The following NOTCH2 variants were observed in gnomAD, a reference collection of about 807,000 sequenced individuals.
The protein encoded by NOTCH2 is neurogenic locus notch homolog protein 2.
NOTCH2 carries 29 observed loss-of-function variants against 235.8 expected under a neutral mutation model. The ratio of observed to expected loss-of-function variants is 0.12; its 90% CI spans 0.09 to 0.17. NOTCH2 has a LOEUF of 0.17. Ranked by LOEUF, NOTCH2 falls within the 10% of genes least tolerant of loss-of-function variation. The pLI is 1.00. For missense variants in NOTCH2, 2,285 were observed against 3,150.2 expected (o/e 0.73, Z 6.57); for synonymous variants, 1,086 against 1,141.5 (o/e 0.95, Z 0.98).
At chr1:119,956,949 T>A (rs1437071780) in intron 12 of NOTCH2, among the ~76,000 whole-genome samples, 1 of 152,226 alleles carries the variant, frequency 6.6e-6, no homozygotes, top group African/African-American at 2.4e-5. Context: ...TTTTTTGGGC[T>A]AGGTAACTAA....
intron 12 of NOTCH2, among the ~76,000 whole-genome samples, chr1:119,957,876 AC>A (rs1557821647): frequency 4.0e-5 from 6 of 149,854 alleles, no homozygotes; most frequent in African/African-American, 1.5e-4. Context: ...ACACACACAC[AC>A]ACACACAACA....
intron 29 of NOTCH2, among the ~76,000 whole-genome samples, chr1:119,921,109 C>A (rs1465152557): frequency 6.6e-6 from 1 of 152,214 alleles, no homozygotes; most frequent in African/African-American, 2.4e-5. Context: ...GGATTTGAAT[C>A]CAGTTCTGAT....
At position 119,925,839 on chromosome 1, in the gene NOTCH2, G is replaced by A. The variant is rs751388978; in HGVS notation, c.4006-29C>T. ...TGGAAATCAGTGAGGAAATAAAAAT[G>A]GCATTGGTAGGAAAACAGTCATATT... is the stretch of plus-strand genomic sequence containing the variant. On this transcript the variant is annotated intron_variant, in intron 24 of 33. Transcript: ENST00000256646. 3.7e-6 allele frequency: 6 copies of A among 1,613,032 alleles called. No individual in the cohort carries two copies. The South Asian group carries it at 5.5e-5, about 15-fold the overall frequency.
At chr1:119,980,856 GCTGTACC>G (rs1651786264) in intron 5 of NOTCH2, among the ~76,000 whole-genome samples, 1 of 152,112 alleles carries the variant, frequency 6.6e-6, no homozygotes, top group Non-Finnish European at 1.5e-5. Context: ...AGCTTCTAAG[GCTGTACC>G]CTTTAACTTG....
At chr1:120,013,872 A>G (rs1384469177) in intron 2 of NOTCH2, among the ~76,000 whole-genome samples, 1 of 151,784 alleles carries the variant, frequency 6.6e-6, no homozygotes. Flanking sequence ...GAATTTGGTT[A>G]GAGAGTGAAA....
chr1:119,934,828 G>A (rs1405048965), intron 22 of NOTCH2, among the ~76,000 whole-genome samples: 2 of 152,120 alleles, frequency 1.3e-5, no homozygotes. Flanking sequence ...AATACTCAAA[G>A]CTCTTTCCAA....
At chr1:119,921,921 G>A in intron 28 of NOTCH2, 112 bp from the exon 29 acceptor site, 1 of 940,528 alleles carries the variant, frequency 1.1e-6, no homozygotes, top group East Asian at 2.5e-5. Context: ...ATTTTGCAGG[G>A]TCTTGGCCCA....
At chr1:119,932,579 C>T (rs914039277) in intron 22 of NOTCH2, among the ~76,000 whole-genome samples, 1 of 151,712 alleles carries the variant, frequency 6.6e-6, no homozygotes, top group Non-Finnish European at 1.5e-5. Context: ...AAGAGCAAAA[C>T]TCCATCTCAA....
chr1:119,924,883 T>G (rs1388589930), intron 25 of NOTCH2, among the ~76,000 whole-genome samples: 2 of 151,978 alleles, frequency 1.3e-5, no homozygotes, highest in Non-Finnish European at 2.9e-5. Context: ...ACCGGGAGGG[T>G]TCACAGACTT....
chr1:119,927,343 G>A (rs1282875128), intron 23 of NOTCH2, among the ~76,000 whole-genome samples: 1 of 152,072 alleles, frequency 6.6e-6, no homozygotes, highest in Non-Finnish European at 1.5e-5. Flanking sequence ...AATAAAAATA[G>A]TAATGTTTTT....
At chr1:119,926,427 T>C in intron 24 of NOTCH2, 72 bp downstream of exon 24, 1 of 1,167,606 alleles carries the variant, frequency 8.6e-7, no homozygotes, top group Non-Finnish European at 1.3e-6. Context: ...AAACCAGGTT[T>C]AATCTCAGTT....
At chr1:119,989,511 A>G (rs1553202603) in intron 4 of NOTCH2, among the ~76,000 whole-genome samples, 1 of 152,156 alleles carries the variant, frequency 6.6e-6, no homozygotes, top group Admixed American at 6.6e-5. Flanking sequence ...GCTGAAAAGT[A>G]TATCATCAAG....
chr1:119,974,131 G>A (rs587702092), intron 5 of NOTCH2, among the ~76,000 whole-genome samples: 1 of 152,330 alleles, frequency 6.6e-6, no homozygotes. Flanking sequence ...TGGTGAAACA[G>A]GAGAGCTGTA....
chr1:119,968,114 C>T lies in NOTCH2; in HGVS notation c.1227G>A (p.Gly409=), dbSNP rs1553199927. 1.2e-6 allele frequency: 2 copies of T among 1,614,114 alleles called. No homozygotes were observed. Among genetic ancestry groups the T allele is most frequent in the Non-Finnish European group, 8.5e-7 (1 of 1,179,966 alleles). Residue 409 remains glycine, a synonymous_variant, in exon 7 of 34, where the codon GGG becomes GGA. Coordinates refer to ENST00000256646, the MANE Select transcript of NOTCH2 (RefSeq NM_024408.4). ...CATCCACATCTTCTGTGCAGTCAGC[C>T]CCTTTGTAGCCTTGTGGGCAGGTGC... ...YICTCPQGYK[G]ADCTEDVDEC...
intron 3 of NOTCH2, among the ~76,000 whole-genome samples, chr1:120,000,577 A>C (rs1433969404): frequency 1.4e-5 from 2 of 147,138 alleles, no homozygotes; most frequent in Non-Finnish European, 3.0e-5. Flanking sequence ...TGCAGAACAC[A>C]CCAAGAAGAG....
chr1:120,068,856 C>G (rs1655618416), intron 1 of NOTCH2: 1 of 559,462 alleles, frequency 1.8e-6, no homozygotes, highest in Non-Finnish European at 3.1e-6. Flanking sequence ...TGTGCCGCCC[C>G]CTGGCAAAGG....
At chr1:119,989,198 G>A (rs1422960419) in intron 4 of NOTCH2, among the ~76,000 whole-genome samples, 1 of 152,114 alleles carries the variant, frequency 6.6e-6, no homozygotes, top group Non-Finnish European at 1.5e-5. Context: ...GAATTAACAG[G>A]ACCCACCTTA....
chr1:120,025,083 T>G (rs1264752205), intron 2 of NOTCH2, among the ~76,000 whole-genome samples: 2 of 151,942 alleles, frequency 1.3e-5, no homozygotes, highest in African/African-American at 4.8e-5. Context: ...ATGGAAGTCC[T>G]GTGATACTGA....
intron 17 of NOTCH2, among the ~76,000 whole-genome samples, chr1:119,944,353 G>A (rs911748612): frequency 6.6e-6 from 1 of 151,980 alleles, no homozygotes; most frequent in Admixed American, 6.5e-5. Context: ...GGCTAACACG[G>A]TGAAACCCCA....
Sources: allele counts gnomAD v4.1 joint callset (sites outside exome capture counted in the v4.1 genomes callset), GRCh38; gene constraint gnomAD v4.1.1; transcripts MANE v1.5; gene names NCBI Gene and HGNC (gene_info 2026-07-23, HGNC 2026-07-21).